DLGAP1: variants seen among roughly 807,000 people sequenced by gnomAD.
DLGAP1 encodes the protein disks large-associated protein 1.
DLGAP1 carries 11 observed loss-of-function variants against 90.8 expected under a neutral mutation model. The ratio of observed to expected loss-of-function variants is 0.12; its 90% confidence interval spans 0.08 to 0.20. DLGAP1 has a LOEUF of 0.20. DLGAP1 is among the 10% of genes least tolerant of loss of function. DLGAP1 has a pLI of 1.00. For synonymous variants in DLGAP1, 558 were observed against 540.7 expected, an observed-to-expected ratio of 1.03 and a Z score of -0.44; for missense variants, 1,050 against 1,333.8, an observed-to-expected ratio of 0.79 and a Z score of 3.31.
intron 5 of DLGAP1, chr18:3,774,668 C>A (rs1426688377): frequency 6.6e-6 from 1 of 152,116 alleles, no homozygotes; most frequent in Non-Finnish European, 1.5e-5. Context: ...TACGGTTTTA[C>A]TGAAATATAA....
At chr18:4,224,258 T>C (rs553641651) in intron 1 of DLGAP1, among the ~76,000 whole-genome samples, 125 of 152,288 alleles carry the variant, frequency 8.2e-4, no homozygotes, top group African/African-American at 3.0e-3. Context: ...TGTGCTGACT[T>C]CAGGTGTGAC....
intron 1 of DLGAP1, among the ~76,000 whole-genome samples, chr18:4,367,236 T>C (rs1206451968): frequency 6.6e-6 from 1 of 151,504 alleles, no homozygotes; most frequent in Non-Finnish European, 1.5e-5. Context: ...AGAACTTGCG[T>C]AGTATAACTT....
intron 3 of DLGAP1, among the ~76,000 whole-genome samples, chr18:3,881,131 C>T (rs200549401): frequency 6.7e-6 from 1 of 149,284 alleles, no homozygotes. Context: ...TTTTCTTTTT[C>T]TTTTTTTTGT....
chr18:3,826,764 G>A (rs2067738252), intron 4 of DLGAP1, among the ~76,000 whole-genome samples: 1 of 152,138 alleles, frequency 6.6e-6, no homozygotes, highest in African/African-American at 2.4e-5. Flanking sequence ...ACACATTCTA[G>A]TTCAAGAGAA....
intron 6 of DLGAP1, among the ~76,000 whole-genome samples, chr18:3,741,159 CCATCACCACCACAT>C (rs2062970704): frequency 9.0e-6 from 1 of 111,322 alleles, no homozygotes; most frequent in Non-Finnish European, 1.9e-5. Flanking sequence ...ATCACCACCA[CCATCACCACCACAT>C]CACCACCACC....
At chr18:4,120,545 AG>A (rs1424910998) in intron 2 of DLGAP1, among the ~76,000 whole-genome samples, 28 of 152,228 alleles carry the variant, frequency 1.8e-4, no homozygotes, top group African/African-American at 6.8e-4. Flanking sequence ...GGTAAGAACG[AG>A]ATTGGTGCTC....
chr18:4,404,508 C>A (rs1205289569), intron 1 of DLGAP1, among the ~76,000 whole-genome samples: 1 of 152,120 alleles, frequency 6.6e-6, no homozygotes, highest in African/African-American at 2.4e-5. Context: ...AATAAAAGCA[C>A]AGCTATCATG....
At chr18:3,891,907 T>A (rs1234580583) in intron 3 of DLGAP1, 1 of 151,780 alleles carries the variant, frequency 6.6e-6, no homozygotes, top group East Asian at 1.9e-4. Flanking sequence ...CCTGGACAAT[T>A]TTTTTCATTT....
intron 1 of DLGAP1, chr18:4,430,711 C>G (rs531290882): frequency 6.3e-4 from 96 of 152,276 alleles, no homozygotes; most frequent in African/African-American, 2.2e-3. Flanking sequence ...ATGGCCAAGC[C>G]TGGATTCCTG....
chr18:4,128,475 C>G (rs73943859), intron 2 of DLGAP1, among the ~76,000 whole-genome samples: 2 of 152,074 alleles, frequency 1.3e-5, no homozygotes, highest in African/African-American at 2.4e-5. Context: ...TGATTCCACA[C>G]GTGAAAATGT....
In DLGAP1 at chr18:3,837,452, C is replaced by G. The variant is rs559707335; in HGVS notation, c.958-23179G>C. Among the ~76,000 whole-genome samples, 3 of 152,270 alleles carry G rather than the reference C, an allele frequency of 2.0e-5. 1 individual carries two copies. In the South Asian group the frequency reaches 6.2e-4, roughly 32 times the overall value. ...CCTACACTTTATATAGATGTAGGCT[C>G]TTTCTTTTCATAAACAAAACTTGAA... is the stretch of plus-strand genomic sequence containing the variant. On this transcript the variant is annotated intron_variant, in intron 4 of 12. Coordinates refer to ENST00000315677, the MANE Select transcript of DLGAP1 (RefSeq NM_004746.4).
chr18:3,657,308 C>T (rs1420067041), intron 7 of DLGAP1, among the ~76,000 whole-genome samples: 1 of 152,098 alleles, frequency 6.6e-6, no homozygotes, highest in Non-Finnish European at 1.5e-5. Context: ...TCTGTATGAA[C>T]ATACACTGAT....
intron 3 of DLGAP1, among the ~76,000 whole-genome samples, chr18:3,937,391 G>T (rs1239724097): frequency 6.6e-6 from 1 of 152,152 alleles, no homozygotes; most frequent in Admixed American, 6.5e-5. Context: ...GAGAGCCTGT[G>T]CAGGGGAACT....
chr18:4,181,998 C>T (rs1056521738), intron 1 of DLGAP1, among the ~76,000 whole-genome samples: 4 of 152,122 alleles, frequency 2.6e-5, no homozygotes, highest in Admixed American at 6.6e-5. Flanking sequence ...CCTGCTCCAG[C>T]CTATTTTTCA....
intron 8 of DLGAP1, among the ~76,000 whole-genome samples, chr18:3,579,424 A>T (rs1038509570): frequency 6.6e-6 from 1 of 152,158 alleles, no homozygotes; most frequent in Non-Finnish European, 1.5e-5. Flanking sequence ...TGGTCAGGCT[A>T]GTCTCGAACT....
intron 2 of DLGAP1, among the ~76,000 whole-genome samples, chr18:4,104,223 A>C (rs1428230743): frequency 6.6e-6 from 1 of 152,070 alleles, no homozygotes; most frequent in Non-Finnish European, 1.5e-5. Flanking sequence ...TAGATTTTTG[A>C]CCACCTTATC....
At chr18:4,360,738 G>A (rs964188908) in intron 1 of DLGAP1, among the ~76,000 whole-genome samples, 3 of 152,144 alleles carry the variant, frequency 2.0e-5, no homozygotes, top group Non-Finnish European at 4.4e-5. Flanking sequence ...CAGAACTTTG[G>A]GAGGCTGAGG....
intron 2 of DLGAP1, among the ~76,000 whole-genome samples, chr18:4,145,341 TA>T (rs2076567296): frequency 6.6e-6 from 1 of 152,196 alleles, no homozygotes; most frequent in African/African-American, 2.4e-5. Context: ...ATTTCTGACA[TA>T]AAAACTATAG....
chr18:4,100,944 G>A (rs190021250), intron 2 of DLGAP1, among the ~76,000 whole-genome samples: 6 of 152,306 alleles, frequency 3.9e-5, no homozygotes, highest in Admixed American at 3.9e-4. Flanking sequence ...TTAAGGGAAT[G>A]TTGTGGCTGG....
Sources: allele counts gnomAD v4.1 joint callset (sites outside exome capture counted in the v4.1 genomes callset), GRCh38; gene constraint gnomAD v4.1.1; transcripts MANE v1.5; gene names NCBI Gene and HGNC (gene_info 2026-07-23, HGNC 2026-07-21).